Variants in BRIP1 observed in about 807,000 individuals in gnomAD.
BRIP1 encodes BRCA1 interacting DNA helicase 1, also known as Fanconi anemia group J protein.
Under a neutral mutation model 119.7 loss-of-function variants are expected in BRIP1, and 88 were observed. That is an observed-to-expected ratio of 0.74 (90% CI 0.62 to 0.88). BRIP1 has a LOEUF of 0.88. BRIP1 is among the 40% of genes least tolerant of loss of function. BRIP1 has a pLI of 0.00. For synonymous variants in BRIP1, 443 were observed against 496.5 expected, an observed-to-expected ratio of 0.89 and a Z score of 1.43; for missense variants, 1,259 against 1,455.4, an observed-to-expected ratio of 0.87 and a Z score of 2.20.
At chr17:61,855,554 G>C (rs1173560166) in intron 4 of BRIP1, among the ~76,000 whole-genome samples, 2 of 147,288 alleles carry the variant, frequency 1.4e-5, no homozygotes, top group Non-Finnish European at 3.0e-5. Flanking sequence ...ACTCCAGCCT[G>C]GGCAACAGAG....
rs981826489 is a variant in BRIP1, at chr17:61,679,197, T to C, written c.*4099A>G. Among the ~76,000 whole-genome samples the C allele has an allele frequency of 3.9e-5, 6 of 152,102 alleles. No homozygotes were observed. Among genetic ancestry groups the C allele is most frequent in the African/African-American group, 9.7e-5 (4 of 41,432 alleles). On this transcript the variant is annotated 3_prime_UTR_variant, in exon 20 of 20. Transcript: ENST00000259008. This position sits in a 1 kb window ranked among gnomAD's most constrained non-coding sequence, Gnocchi z 4.4. Reference sequence around the variant, plus strand: ...ACAAAAAAGTCCAGTTGCAGAAAAATAACGGGGAAAAGCTTTTTGTTAAAA... The same window carrying C: ...ACAAAAAAGTCCAGTTGCAGAAAAACAACGGGGAAAAGCTTTTTGTTAAAA...
At position 61,780,991 on chromosome 17, in the gene BRIP1, T is replaced by C. The variant is rs587782405; in HGVS notation, c.1643A>G (p.Tyr548Cys). ...FRQNSRFADD[Y>C]KIAIQQTYSW... Reference sequence around the variant, plus strand: ...GTAAGTCTGTTGAATCGCAATTTTATAATCATCTGCAAATCTAGATGCAAA... The same window carrying C: ...GTAAGTCTGTTGAATCGCAATTTTACAATCATCTGCAAATCTAGATGCAAA... The change falls in exon 12 of 20, where the codon TAT becomes TGT. Residue 548 changes from tyrosine (Y) to cysteine (C), a missense_variant. Transcript: ENST00000259008. The surrounding 1 kb of genome is among the most constrained non-coding windows in gnomAD (Gnocchi z 5.4). 2 of 1,613,946 alleles carry C rather than the reference T, an allele frequency of 1.2e-6. No individual in the cohort carries two copies. Among genetic ancestry groups the C allele is most frequent in the Non-Finnish European group, 1.7e-6 (2 of 1,180,020 alleles).
Position 61,683,636 on chromosome 17 carries a change from TA to T in BRIP1, c.3409del (p.Tyr1137MetfsTer13). The T allele has an allele frequency of 6.2e-7, 1 of 1,612,670 alleles. No homozygotes were observed. Among genetic ancestry groups the T allele is most frequent in the Middle Eastern group, 1.7e-4 (1 of 6,060 alleles). ...TTCTTCATCTGTATCTTCAGGATCATAAAGTTCAGGTGTAAAATAGATAGAT... is the reference window on the plus strand; with the variant it reads ...TTCTTCATCTGTATCTTCAGGATCATAAGTTCAGGTGTAAAATAGATAGAT... The part of the protein sequence containing the change: ...DESIYFTPEL[Y>X]DPEDTDEEKN... On this transcript the variant is annotated frameshift_variant, in exon 20 of 20. Coordinates refer to ENST00000259008, the MANE Select transcript of BRIP1 (RefSeq NM_032043.3). LOFTEE classifies it low-confidence loss of function (END_TRUNC). This position sits in a 1 kb window ranked among gnomAD's most constrained non-coding sequence, Gnocchi z 4.7.
chr17:61,732,438 A>C (rs974567199), intron 16 of BRIP1, among the ~76,000 whole-genome samples: 6 of 152,150 alleles, frequency 3.9e-5, no homozygotes, highest in Middle Eastern at 3.2e-3. Flanking sequence ...CAAGTTAGTC[A>C]AAGTAAATTG....
chr17:61,801,762 T>C (rs1358513038), intron 7 of BRIP1, among the ~76,000 whole-genome samples: 4 of 152,180 alleles, frequency 2.6e-5, no homozygotes, highest in Non-Finnish European at 5.9e-5. Context: ...GTTATGCCTT[T>C]TTTTTTCTGA....
rs2061662665 is a variant in BRIP1, at chr17:61,704,540, T to C, written c.2493-11028A>G. ...CTTCTATTTTTTAGAAGAGATCTTGTAAAATTTATGTTATTTCTTCTTTAA... is the reference window on the plus strand; with the variant it reads ...CTTCTATTTTTTAGAAGAGATCTTGCAAAATTTATGTTATTTCTTCTTTAA... On this transcript the variant is annotated intron_variant, in intron 17 of 19. Coordinates refer to ENST00000259008, the MANE Select transcript of BRIP1 (RefSeq NM_032043.3). This position sits in a 1 kb window ranked among gnomAD's most constrained non-coding sequence, Gnocchi z 5.7. Among the ~76,000 whole-genome samples, 1 of 152,204 alleles carries C rather than the reference T, an allele frequency of 6.6e-6. No homozygotes were observed. The highest frequency in any genetic ancestry group is 6.5e-5 in the Admixed American group (1 of 15,290).
chr17:61,840,126 A>G (rs1247213521), intron 6 of BRIP1, among the ~76,000 whole-genome samples: 2 of 152,196 alleles, frequency 1.3e-5, no homozygotes, highest in Admixed American at 1.3e-4. Flanking sequence ...TGGGAGGCCG[A>G]GGCAAACAGA....
intron 3 of BRIP1, among the ~76,000 whole-genome samples, chr17:61,858,671 C>T (rs1427207448): frequency 2.0e-5 from 3 of 152,054 alleles, no homozygotes; most frequent in African/African-American, 7.2e-5. Flanking sequence ...CTGTGCCCAG[C>T]CTTAATATAC....
rs1342713154 is a variant in BRIP1, at chr17:61,844,251, A to G, written c.627+2850T>C. Among the ~76,000 whole-genome samples the G allele has an allele frequency of 6.6e-6, 1 of 152,132 alleles. No individual in the cohort carries two copies. The highest frequency in any genetic ancestry group is 1.5e-5 in the Non-Finnish European group (1 of 68,018). On this transcript the variant is annotated intron_variant, in intron 6 of 19. Transcript: ENST00000259008. The surrounding 1 kb of genome is among the most constrained non-coding windows in gnomAD (Gnocchi z 4.7). The stretch of plus-strand genomic sequence containing the variant: ...GCCCAATCTTTATTTAAAAATTAAG[A>G]TCAGGCAGTATGTGTCCAAAGTCCA...
intron 6 of BRIP1, among the ~76,000 whole-genome samples, chr17:61,837,479 G>C (rs1439754822): frequency 6.6e-6 from 1 of 151,928 alleles, no homozygotes; most frequent in Admixed American, 6.6e-5. Context: ...ATATGCTACT[G>C]CTACATTAAA....
chr17:61,858,552 T>C (rs2078930929), intron 3 of BRIP1, among the ~76,000 whole-genome samples: 1 of 152,116 alleles, frequency 6.6e-6, no homozygotes. Flanking sequence ...TTTGTATTTT[T>C]AGTAGAGACG....
At chr17:61,800,131 T>A (rs1274522969) in intron 8 of BRIP1, among the ~76,000 whole-genome samples, 1 of 152,170 alleles carries the variant, frequency 6.6e-6, no homozygotes, top group East Asian at 1.9e-4. Flanking sequence ...GAGTGAGAAC[T>A]TGCCTGAGAA....
At chr17:61,790,395 A>G (rs373208844) in intron 10 of BRIP1, among the ~76,000 whole-genome samples, 13 of 151,936 alleles carry the variant, frequency 8.6e-5, no homozygotes, top group African/African-American at 3.1e-4. Flanking sequence ...AAATACAAAA[A>G]ATTAGCCAGG....
rs749398018 is a variant in BRIP1 at position 61,828,847 on chromosome 17, A to C, written c.627+18254T>G. Among the ~76,000 whole-genome samples, 6 of 152,206 alleles carry C rather than the reference A, an allele frequency of 3.9e-5. No homozygotes were observed. The highest frequency in any genetic ancestry group is 7.3e-5 in the Non-Finnish European group (5 of 68,030). On this transcript the variant is annotated intron_variant, in intron 6 of 19. Coordinates refer to ENST00000259008, the MANE Select transcript of BRIP1 (RefSeq NM_032043.3). The surrounding 1 kb of genome is among the most constrained non-coding windows in gnomAD (Gnocchi z 4.1). The stretch of plus-strand genomic sequence containing the variant: ...ACAAAAATGGCACAAAACATGGGAG[A>C]GTAGACACGGAAGTATATTGGCAGA...
chr17:61,782,394 A>AAC (rs1457597794), intron 11 of BRIP1, among the ~76,000 whole-genome samples: 7 of 151,136 alleles, frequency 4.6e-5, no homozygotes, highest in Non-Finnish European at 1.0e-4. Flanking sequence ...CTCAGAAAAA[A>AAC]AAAAAAAAAA....
rs2061647593 is a variant in BRIP1 at position 61,703,483 on chromosome 17, TAATGG to T, written c.2493-9976_2493-9972del. Among the ~76,000 whole-genome samples, 1 of 152,242 alleles carries T rather than the reference TAATGG, an allele frequency of 6.6e-6. No individual in the cohort carries two copies. The highest frequency in any genetic ancestry group is 6.5e-5 in the Admixed American group (1 of 15,282). On this transcript the variant is annotated intron_variant, in intron 17 of 19. Transcript: ENST00000259008. The surrounding 1 kb of genome is among the most constrained non-coding windows in gnomAD (Gnocchi z 5.0). ...CTGTTCATGTCCTTTGGCCACTTTT[TAATGG>T]GGTTGTTTTTTGCTTGTCAATTTAA...
At chr17:61,772,189 A>ATT (rs2144975327) in intron 14 of BRIP1, among the ~76,000 whole-genome samples, 2 of 132,770 alleles carry the variant, frequency 1.5e-5, no homozygotes, top group East Asian at 4.7e-4. Flanking sequence ...ATATATATAT[A>ATT]TATATATATA....
At chr17:61,791,488 C>CAAAAAAAAAAAA (rs529710126) in intron 10 of BRIP1, among the ~76,000 whole-genome samples, 11 of 52,918 alleles carry the variant, frequency 2.1e-4, no homozygotes, top group Admixed American at 3.0e-4. Context: ...GACTTCATCT[C>CAAAAAAAAAAAA]AAAAAAAAAA....
rs1342633716 is a variant in BRIP1, at chr17:61,707,032, T to G, written c.2492+8919A>C. Among the ~76,000 whole-genome samples, 3 of 89,344 alleles carry G rather than the reference T, an allele frequency of 3.4e-5. No individual in the cohort carries two copies. The Admixed American group carries it at 5.8e-4, about 17-fold the overall frequency. The allele number at this position is 89,344 out of a possible 152,430, so 58.6% of individuals were successfully genotyped here. A position where few individuals can be genotyped will look rare whatever the true frequency, so the allele number is the denominator to read the frequency against. On this transcript the variant is annotated intron_variant, in intron 17 of 19. Transcript: ENST00000259008. ...TGCATCCTTGATATTCCTTTTTAAA[T>G]TTTTTTTTTTTATTTTGATGGAGCA...
Sources: gnomAD v4.1 joint callset for allele counts (sites outside exome capture counted in the v4.1 genomes callset) on GRCh38, gnomAD v4.1.1 for gene constraint, Gnocchi (gnomAD v3.1) non-coding constraint, MANE v1.5 for transcripts, NCBI Gene and HGNC (gene_info 2026-07-23, HGNC 2026-07-21) for gene names.